MAP4K4: variants seen among roughly 807,000 people sequenced by gnomAD.
MAP4K4 encodes HPK/GCK-like kinase HGK.
In MAP4K4, 38 loss-of-function variants were observed where a neutral mutation model predicts 189.6. The observed-to-expected ratio is 0.20, with a 90% confidence interval of 0.15 to 0.26. The LOEUF (loss-of-function observed/expected upper bound fraction) is 0.26, where lower values mean the gene tolerates loss of function less well. Among genes scored for constraint, MAP4K4 ranks in the 10% least tolerant of loss-of-function variants. MAP4K4 has a pLI of 1.00. For synonymous variants in MAP4K4, 610 were observed against 624.3 expected, an observed-to-expected ratio of 0.98 and a Z score of 0.34; for missense variants, 1,054 against 1,726.9, an observed-to-expected ratio of 0.61 and a Z score of 6.91.
intron 2 of MAP4K4, among the ~76,000 whole-genome samples, chr2:101,751,596 C>A (rs2069020384): frequency 6.6e-6 from 1 of 152,226 alleles, no homozygotes; most frequent in African/African-American, 2.4e-5. Context: ...GAAAGAAATG[C>A]ATGGCCTCTG....
chr2:101,761,903 C>T (rs752835225), intron 2 of MAP4K4, among the ~76,000 whole-genome samples: 8 of 152,170 alleles, frequency 5.3e-5, no homozygotes, highest in African/African-American at 1.2e-4. Flanking sequence ...CTGCCACCCT[C>T]ACCGAGCTAC....
intron 2 of MAP4K4, among the ~76,000 whole-genome samples, chr2:101,746,178 C>T (rs898050585): frequency 9.2e-5 from 14 of 151,862 alleles, no homozygotes; most frequent in African/African-American, 2.9e-4. Flanking sequence ...AGTAGAGACA[C>T]GCTCTTGTTG....
intron 27 of MAP4K4, 93 bp from the exon 28 acceptor site, chr2:101,882,458 C>A: frequency 9.8e-7 from 1 of 1,022,256 alleles, no homozygotes; most frequent in Non-Finnish European, 1.4e-6. Context: ...AAGTGCTGGC[C>A]TTAAGTGATT....
exon 33 of MAP4K4, chr2:101,891,262 C>G: frequency 1.9e-6 from 3 of 1,608,192 alleles, no homozygotes; most frequent in Non-Finnish European, 2.6e-6. Context: ...GCAGTGTGAT[C>G]CAGGGATTAC....
chr2:101,862,367 G>C (rs1234434914), intron 16 of MAP4K4: 1 of 151,826 alleles, frequency 6.6e-6, no homozygotes, highest in Non-Finnish European at 1.5e-5. Context: ...CAGATGGGTA[G>C]CTCCAGAGAG....
chr2:101,793,026 T>C (rs1021023359), intron 3 of MAP4K4, among the ~76,000 whole-genome samples: 2 of 152,184 alleles, frequency 1.3e-5, no homozygotes, highest in Non-Finnish European at 1.5e-5. Context: ...CATACCGATA[T>C]GTGTAATGGA....
chr2:101,780,103 C>T (rs980936239), intron 2 of MAP4K4, among the ~76,000 whole-genome samples: 3 of 152,094 alleles, frequency 2.0e-5, no homozygotes, highest in African/African-American at 7.2e-5. Flanking sequence ...TGTACATATA[C>T]GTAGGTTCAC....
rs2097572678 is a variant in MAP4K4, at chr2:101,859,542, G to A, written c.1483-101G>A. On this transcript the variant is annotated intron_variant, in intron 14 of 32. Coordinates refer to ENST00000324219, the Ensembl canonical transcript of MAP4K4. ...TTTTGCTTTCTTACAAAACACAGAG[G>A]GAAAATATATGGTCACTTTTTTTAA... is the stretch of plus-strand genomic sequence containing the variant. 15 of 914,424 alleles carry A rather than the reference G, an allele frequency of 1.6e-5. No homozygotes were observed. In the South Asian group the frequency reaches 2.6e-4, roughly 16 times the overall value. 56.6% of individuals were successfully genotyped at this position (914,424 alleles called of 1,614,324 possible). A position where few individuals can be genotyped will look rare whatever the true frequency, so the allele number is the denominator to read the frequency against.
intron 8 of MAP4K4, 74 bp downstream of exon 8, chr2:101,834,537 C>A: frequency 8.7e-7 from 1 of 1,149,842 alleles, no homozygotes; most frequent in African/African-American, 1.5e-5. Context: ...TCAAAAAGAA[C>A]AGCTCAGCTC....
At chr2:101,888,652 A>G in intron 31 of MAP4K4, 144 bp from the exon 32 acceptor site, 1 of 574,732 alleles carries the variant, frequency 1.7e-6, no homozygotes, top group Non-Finnish European at 2.7e-6. Flanking sequence ...GTTCCTTGAA[A>G]ACAAATCCTT....
At chr2:101,812,067 GACA>G (rs2095463062) in intron 3 of MAP4K4, among the ~76,000 whole-genome samples, 1 of 152,178 alleles carries the variant, frequency 6.6e-6, no homozygotes, top group Non-Finnish European at 1.5e-5. Flanking sequence ...GTGTTTTCAT[GACA>G]ACAATACGTT....
chr2:101,798,784 A>G (rs2094072862), intron 3 of MAP4K4, among the ~76,000 whole-genome samples: 1 of 152,258 alleles, frequency 6.6e-6, no homozygotes, highest in Non-Finnish European at 1.5e-5. Flanking sequence ...TAGTAGATAC[A>G]CACTACTGGT....
chr2:101,760,235 A>T (rs1375459340), intron 2 of MAP4K4, among the ~76,000 whole-genome samples: 2 of 151,986 alleles, frequency 1.3e-5, no homozygotes, highest in African/African-American at 2.4e-5. Context: ...TCACCCCTGT[A>T]ATCCCAGCAC....
intron 27 of MAP4K4, among the ~76,000 whole-genome samples, chr2:101,882,044 T>C (rs1419767618): frequency 6.6e-6 from 1 of 152,228 alleles, no homozygotes; most frequent in African/African-American, 2.4e-5. Flanking sequence ...CCAGACCATA[T>C]GTAAGATATG....
At chr2:101,819,180 G>A (rs1225206673) in intron 3 of MAP4K4, among the ~76,000 whole-genome samples, 3 of 152,088 alleles carry the variant, frequency 2.0e-5, no homozygotes, top group African/African-American at 7.2e-5. Context: ...ATCTTCCCAG[G>A]CCACATGAAG....
At chr2:101,819,132 C>T (rs957358491) in intron 3 of MAP4K4, among the ~76,000 whole-genome samples, 2 of 152,184 alleles carry the variant, frequency 1.3e-5, no homozygotes, top group African/African-American at 4.8e-5. Flanking sequence ...TGTTACTAAA[C>T]TTCAGTTTTA....
intron 2 of MAP4K4, among the ~76,000 whole-genome samples, chr2:101,758,420 A>T (rs2074037446): frequency 6.6e-6 from 1 of 152,148 alleles, no homozygotes; most frequent in Non-Finnish European, 1.5e-5. Flanking sequence ...GTCCACTTAG[A>T]TATACTCGGA....
At chr2:101,723,874 C>G (rs1244296126) in intron 2 of MAP4K4, among the ~76,000 whole-genome samples, 1 of 152,108 alleles carries the variant, frequency 6.6e-6, no homozygotes, top group Non-Finnish European at 1.5e-5. Context: ...TCATGTCAGT[C>G]CTTTGCCCTT....
chr2:101,873,099 C>G (rs1472525804), intron 24 of MAP4K4, among the ~76,000 whole-genome samples: 1 of 152,154 alleles, frequency 6.6e-6, no homozygotes, highest in Non-Finnish European at 1.5e-5. Flanking sequence ...GTCATTTGCA[C>G]CTTTCACTAA....
Sources: gnomAD v4.1 joint callset for allele counts (sites outside exome capture counted in the v4.1 genomes callset) on GRCh38, gnomAD v4.1.1 for gene constraint, MANE v1.5 for transcripts, NCBI Gene and HGNC (gene_info 2026-07-23, HGNC 2026-07-21) for gene names.